IFT80: variants seen among roughly 807,000 people sequenced by gnomAD.
IFT80 encodes intraflagellar transport protein 80 homolog.
In IFT80, 79 loss-of-function variants were observed where a neutral mutation model predicts 107.9. The observed-to-expected ratio is 0.73, with a 90% CI of 0.61 to 0.88. IFT80 has a LOEUF of 0.88. IFT80 is among the 40% of genes least tolerant of loss of function. The probability of loss-of-function intolerance (pLI) is 0.00; values close to 1 mark genes in which losing one functional copy is unlikely to be tolerated. For synonymous variants in IFT80, 299 were observed against 300.9 expected (o/e 0.99, Z 0.07); for missense variants, 797 against 914.2 (o/e 0.87, Z 1.65).
intron 9 of IFT80, among the ~76,000 whole-genome samples, chr3:160,315,829 T>C (rs986170191): frequency 1.3e-5 from 2 of 152,170 alleles, no homozygotes; most frequent in African/African-American, 4.8e-5. Context: ...GTCTAGGTTA[T>C]CTTTTTTTTA....
rs199662960 is a variant in IFT80, at chr3:160,258,537, A to G, written c.2322T>C (p.Gly774=). ...ATACGCATGGCATTTAGGGCTTTAA[A>G]CCTATACTCTTGCTGGATTGGCTGC... ...SSSSQSSKSI[G]LKP is the part of the protein sequence containing the mutation. The change falls in exon 20 of 20, where the codon GGT becomes GGC. Residue 774 remains glycine (G), a synonymous_variant. Transcript: ENST00000326448. The G allele has an allele frequency of 1.9e-6, 3 of 1,613,668 alleles. No homozygotes were observed. In the East Asian group the frequency reaches 6.7e-5, roughly 36 times the overall value.
intron 6 of IFT80, among the ~76,000 whole-genome samples, chr3:160,359,480 G>C (rs1176314682): frequency 2.6e-5 from 4 of 152,186 alleles, no homozygotes; most frequent in African/African-American, 4.8e-5. Flanking sequence ...GAAGAGAGCA[G>C]TGGTTCTCCC....
intron 8 of IFT80, among the ~76,000 whole-genome samples, chr3:160,344,396 G>C (rs1034188132): frequency 6.6e-6 from 1 of 152,102 alleles, no homozygotes; most frequent in African/African-American, 2.4e-5. Flanking sequence ...TCTATATACA[G>C]AAGAATGAAA....
intron 12 of IFT80, among the ~76,000 whole-genome samples, chr3:160,290,425 G>GAAAAAAAAAAAAA (rs531713127): frequency 8.8e-6 from 1 of 113,894 alleles, no homozygotes; most frequent in Non-Finnish European, 1.9e-5. Context: ...AAAAAAAAAA[G>GAAAAAAAAAAAAA]AAAAAAAAAA....
At chr3:160,347,627 T>C (rs1720385707) in intron 8 of IFT80, among the ~76,000 whole-genome samples, 1 of 152,138 alleles carries the variant, frequency 6.6e-6, no homozygotes, top group South Asian at 2.1e-4. Flanking sequence ...AAGACATGGG[T>C]ACACAATTTT....
chr3:160,354,446 G>A (rs976818578), intron 8 of IFT80, among the ~76,000 whole-genome samples: 22 of 151,932 alleles, frequency 1.4e-4, no homozygotes, highest in Non-Finnish European at 2.6e-4. Context: ...TCAGGAGATC[G>A]AGACCATCCT....
rs74427653 is a variant in IFT80, at chr3:160,285,673, A to T, written c.1380+131T>A. 1.8e-5 allele frequency: 12 copies of T among 675,972 alleles called. No homozygotes were observed. In the East Asian group the frequency reaches 3.4e-4, roughly 19 times the overall value. 41.9% of individuals were successfully genotyped at this position (675,972 alleles called of 1,614,324 possible). On this transcript the variant is annotated intron_variant, in intron 13 of 19. Transcript: ENST00000326448. ...GTGACATCTTTAGGCAAAATAGTCA[A>T]TGGAGAATGCACATTGATTTTAAAT...
chr3:160,368,215 G>T (rs553386508), intron 5 of IFT80, among the ~76,000 whole-genome samples: 69 of 151,800 alleles, frequency 4.5e-4, no homozygotes, highest in African/African-American at 1.6e-3. Flanking sequence ...ATGTCTTACT[G>T]AATAAATTTC....
intron 12 of IFT80, chr3:160,299,173 T>G: frequency 1.0e-6 from 1 of 991,138 alleles, no homozygotes; most frequent in Non-Finnish European, 1.2e-6. Context: ...TAATTCTGTC[T>G]GCCATCTGGA....
chr3:160,331,099 G>A (rs945301287), intron 8 of IFT80, among the ~76,000 whole-genome samples: 2 of 152,026 alleles, frequency 1.3e-5, no homozygotes, highest in Admixed American at 1.3e-4. Context: ...TCACTTAAAG[G>A]AAGCACTTTA....
At chr3:160,269,699 T>A (rs1222175121) in intron 18 of IFT80, among the ~76,000 whole-genome samples, 1 of 152,170 alleles carries the variant, frequency 6.6e-6, no homozygotes, top group Non-Finnish European at 1.5e-5. Flanking sequence ...GCCACTGCAA[T>A]CCTGTGCATA....
intron 10 of IFT80, 80 bp downstream of exon 10, chr3:160,307,583 G>A (rs1716918316): frequency 2.3e-5 from 19 of 839,430 alleles, no homozygotes; most frequent in Middle Eastern, 3.4e-4. Context: ...ACCAAACCAC[G>A]CTGATGTGAA....
At chr3:160,352,879 T>A (rs973907694) in intron 8 of IFT80, among the ~76,000 whole-genome samples, 2 of 152,312 alleles carry the variant, frequency 1.3e-5, no homozygotes, top group Admixed American at 6.5e-5. Flanking sequence ...TACTTCCCTA[T>A]TATTCAGGCC....
chr3:160,312,917 T>A lies in IFT80; in HGVS notation c.958-5136A>T, dbSNP rs1397452766. ...ATATATAATATATAATAAATATATA[T>A]TATATATAAATATATAATATATAAT... On this transcript the variant is annotated intron_variant, in intron 9 of 19. Transcript: ENST00000326448. Among the ~76,000 whole-genome samples the A allele has an allele frequency of 5.9e-5, 2 of 33,686 alleles. 1 individual carries two copies. The highest frequency in any genetic ancestry group is 2.1e-4 in the African/African-American group (2 of 9,530). 22.1% of individuals were successfully genotyped at this position (33,686 alleles called of 152,430 possible).
rs369785345 is a variant in IFT80, at chr3:160,375,870, A to G, written c.381T>C (p.Asp127=). 11 of 1,606,410 alleles carry G rather than the reference A, an allele frequency of 6.8e-6. No homozygotes were observed. In the African/African-American group the frequency reaches 1.5e-4, roughly 21 times the overall value. The change falls in exon 5 of 20, where the codon GAT becomes GAC. Residue 127 remains aspartate, a synonymous_variant. Transcript: ENST00000326448. ...TCTTTGACCAAATTTTTATTTGTCC[A>G]TCTTCTCCAACTATACAGGGAAAAA... ...EGTALVTVGE[D]GQIKIWSKTG...
intron 1 of IFT80, among the ~76,000 whole-genome samples, chr3:160,396,975 T>C (rs1713825884): frequency 6.6e-6 from 1 of 152,214 alleles, no homozygotes; most frequent in East Asian, 1.9e-4. Flanking sequence ...GTTTTCTGAG[T>C]GGGCAATGGT....
At chr3:160,297,224 C>T (rs540775110) in intron 12 of IFT80, among the ~76,000 whole-genome samples, 1 of 152,068 alleles carries the variant, frequency 6.6e-6, no homozygotes, top group Non-Finnish European at 1.5e-5. Flanking sequence ...ATATTGGTAG[C>T]TGCTGTTTAC....
intron 8 of IFT80, among the ~76,000 whole-genome samples, chr3:160,321,247 G>A (rs542099325): frequency 6.6e-6 from 1 of 152,000 alleles, no homozygotes; most frequent in Admixed American, 6.6e-5. Flanking sequence ...CCTGCTTTGG[G>A]CGATAAAATG....
intron 9 of IFT80, among the ~76,000 whole-genome samples, chr3:160,312,518 TTC>T (rs1717352106): frequency 7.4e-6 from 1 of 134,420 alleles, no homozygotes; most frequent in Non-Finnish European, 1.5e-5. Flanking sequence ...TGTATTTTTG[TTC>T]TGTTTCTGGT....
Sources: gnomAD v4.1 joint callset for allele counts (sites outside exome capture counted in the v4.1 genomes callset) on GRCh38, gnomAD v4.1.1 for gene constraint, MANE v1.5 for transcripts, NCBI Gene and HGNC (gene_info 2026-07-23, HGNC 2026-07-21) for gene names.